DOCK5: variants seen among roughly 807,000 people sequenced by gnomAD.
The protein encoded by DOCK5 is dedicator of cytokinesis 5.
DOCK5 carries 142 observed loss-of-function variants against 251.8 expected under a neutral mutation model. The ratio of observed to expected loss-of-function variants is 0.56; its 90% CI spans 0.49 to 0.65. The LOEUF is 0.65. Among genes scored for constraint, DOCK5 ranks in the 30% least tolerant of loss-of-function variants. DOCK5 has a pLI of 0.00. For synonymous variants in DOCK5, 842 were observed against 835.5 expected, an observed-to-expected ratio of 1.01 and a Z score of -0.13; for missense variants, 2,111 against 2,312.3, an observed-to-expected ratio of 0.91 and a Z score of 1.79.
rs562796927 is a variant in DOCK5, at chr8:25,210,048, G to A, written c.43+25097G>A. On this transcript the variant is annotated intron_variant, in intron 1 of 51. Transcript: ENST00000276440. ...TATATATATATAAATGTGTGTGTGTGTGTGTGTGTGTGTGTGTGTGTATCT... is the reference window on the plus strand; with the variant it reads ...TATATATATATAAATGTGTGTGTGTATGTGTGTGTGTGTGTGTGTGTATCT... Among the ~76,000 whole-genome samples, 50 of 25,432 alleles carry A rather than the reference G, an allele frequency of 2.0e-3. 9 individuals are homozygous for A. The highest frequency in any genetic ancestry group is 5.5e-3 in the African/African-American group (44 of 8,048). The allele number at this position is 25,432 out of a possible 152,430, so 16.7% of individuals were successfully genotyped here.
rs115289076 is a variant in DOCK5, at chr8:25,398,019, A to G, written c.4705-1892A>G. ...ATATTTGATGTAATATGTAATGGTA[A>G]TAGGTAGTAGGTAAACTATTCTAAT... On this transcript the variant is annotated intron_variant, in intron 45 of 51. Coordinates refer to ENST00000276440, the MANE Select transcript of DOCK5 (RefSeq NM_024940.8). Among the ~76,000 whole-genome samples the G allele has an allele frequency of 4.1e-3, 622 of 152,300 alleles. 4 individuals are homozygous for G. The highest frequency in any genetic ancestry group is 0.015 in the African/African-American group (605 of 41,566).
At chr8:25,382,099 G>C (rs1021879442) in intron 39 of DOCK5, among the ~76,000 whole-genome samples, 2 of 152,048 alleles carry the variant, frequency 1.3e-5, no homozygotes, top group African/African-American at 4.8e-5. Flanking sequence ...CTGCAACCTT[G>C]AACTCCTGGG....
At chr8:25,280,977 T>G (rs896476283) in intron 5 of DOCK5, among the ~76,000 whole-genome samples, 11 of 152,074 alleles carry the variant, frequency 7.2e-5, no homozygotes, top group Non-Finnish European at 1.6e-4. Flanking sequence ...AAGGAGTTTT[T>G]TTTTTTTTTT....
At position 25,374,941 on chromosome 8, in the gene DOCK5, A is replaced by T. The variant is rs553167718; in HGVS notation, c.3816+287A>T. 345 of 1,238,322 alleles carry T rather than the reference A, an allele frequency of 2.8e-4. 5 individuals are homozygous for T. In the Middle Eastern group the frequency reaches 8.0e-3, roughly 29 times the overall value. 76.7% of individuals were successfully genotyped at this position (1,238,322 alleles called of 1,614,324 possible). The stretch of plus-strand genomic sequence containing the variant: ...ATAAAACACACATTGATGAATACAT[A>T]AAAAAATTTGTAAAACTGCAGAAAA... On this transcript the variant is annotated intron_variant, in intron 37 of 51. Coordinates refer to ENST00000276440, the MANE Select transcript of DOCK5 (RefSeq NM_024940.8).
At chr8:25,237,248 C>T (rs905340330) in intron 1 of DOCK5, among the ~76,000 whole-genome samples, 12 of 151,846 alleles carry the variant, frequency 7.9e-5, no homozygotes, top group Non-Finnish European at 7.4e-5. Flanking sequence ...ACATGCCTGT[C>T]GTTCTAGGTA....
chr8:25,401,676 T>C (rs778813733), intron 47 of DOCK5, among the ~76,000 whole-genome samples: 14 of 151,046 alleles, frequency 9.3e-5, no homozygotes, highest in Non-Finnish European at 1.2e-4. Context: ...GGAGGTTTCA[T>C]TGAGCCGAGA....
At chr8:25,375,074 G>C in intron 37 of DOCK5, 1 of 825,414 alleles carries the variant, frequency 1.2e-6, no homozygotes, top group Non-Finnish European at 1.5e-6. Flanking sequence ...ACATCTATAT[G>C]TTATGAATCC....
At chr8:25,220,171 G>GTTCCT (rs536689786) in intron 1 of DOCK5, among the ~76,000 whole-genome samples, 17 of 150,834 alleles carry the variant, frequency 1.1e-4, no homozygotes, top group Non-Finnish European at 1.6e-4. Flanking sequence ...GTTTCGTTTC[G>GTTCCT]TTCCTTTCCT....
chr8:25,346,504 T>C (rs1474984278), intron 26 of DOCK5, among the ~76,000 whole-genome samples: 2 of 151,842 alleles, frequency 1.3e-5, no homozygotes, highest in Non-Finnish European at 2.9e-5. Flanking sequence ...GCGTTTTCTC[T>C]GTGACCTGGC....
At chr8:25,378,367 C>T (rs1801000895) in intron 38 of DOCK5, among the ~76,000 whole-genome samples, 1 of 152,200 alleles carries the variant, frequency 6.6e-6, no homozygotes, top group South Asian at 2.1e-4. Flanking sequence ...TAATATACAA[C>T]AATAACTCAC....
At chr8:25,387,908 T>G (rs1039896980) in intron 40 of DOCK5, among the ~76,000 whole-genome samples, 1 of 152,228 alleles carries the variant, frequency 6.6e-6, no homozygotes, top group Non-Finnish European at 1.5e-5. Context: ...CTTTTACAGT[T>G]ATCGTCTGCA....
chr8:25,292,697 G>A (rs1804524948), intron 6 of DOCK5, among the ~76,000 whole-genome samples: 1 of 152,024 alleles, frequency 6.6e-6, no homozygotes, highest in African/African-American at 2.4e-5. Context: ...ATGATTGCAT[G>A]CCTGCACTCC....
chr8:25,317,263 C>G, intron 14 of DOCK5, 132 bp downstream of exon 14: 1 of 1,411,052 alleles, frequency 7.1e-7, no homozygotes, highest in East Asian at 2.3e-5. Flanking sequence ...AAATATAAAG[C>G]CTGTTAAATT....
chr8:25,218,034 G>A (rs74583840), intron 1 of DOCK5, among the ~76,000 whole-genome samples: 1,775 of 152,244 alleles, frequency 0.012, 38 homozygotes, highest in African/African-American at 0.04. Flanking sequence ...CAGTGAATTC[G>A]TTTAAGCAAA....
At chr8:25,391,505 G>A (rs766601059) in intron 42 of DOCK5, among the ~76,000 whole-genome samples, 1 of 152,068 alleles carries the variant, frequency 6.6e-6, no homozygotes, top group Non-Finnish European at 1.5e-5. Flanking sequence ...AGTCGTGATG[G>A]TGCGTGCTTG....
At chr8:25,329,168 A>G (rs190126067) in intron 18 of DOCK5, among the ~76,000 whole-genome samples, 1 of 152,276 alleles carries the variant, frequency 6.6e-6, no homozygotes, top group Non-Finnish European at 1.5e-5. Context: ...TACTACCCTA[A>G]ATGTGGGGAT....
Position 25,310,493 on chromosome 8 carries a change from A to T in DOCK5, c.1279A>T (p.Ile427Leu), listed in dbSNP as rs777435780. The change falls in exon 13 of 52, where the codon ATA becomes TTA. Residue 427 changes from isoleucine to leucine, a missense_variant. This residue lies in a region of DOCK5 where 1,717 missense variants were observed against 1,892.4 expected (regional missense o/e 0.91). Coordinates refer to ENST00000276440, the MANE Select transcript of DOCK5 (RefSeq NM_024940.8). ...ACACTTGGTTGATAGATCAACAGCA[A>T]TAGCCCGGAAGATGGGCTTTCCTGA... is the stretch of plus-strand genomic sequence containing the variant. ...FSHLVDRSTA[I>L]ARKMGFPEII... 1 of 1,613,610 alleles carries T rather than the reference A, an allele frequency of 6.2e-7. No individual in the cohort carries two copies. Among genetic ancestry groups the T allele is most frequent in the Admixed American group, 1.7e-5 (1 of 59,896 alleles).
Position 25,353,660 on chromosome 8 carries a change from A to G in DOCK5, c.2850+1834A>G, listed in dbSNP as rs561243708. 3.3e-5 allele frequency among the ~76,000 whole-genome samples: 5 copies of G among 152,224 alleles called. No individual in the cohort carries two copies. The East Asian group carries it at 7.7e-4, about 24-fold the overall frequency. On this transcript the variant is annotated intron_variant, in intron 27 of 51. Coordinates refer to ENST00000276440, the MANE Select transcript of DOCK5 (RefSeq NM_024940.8). Reference sequence around the variant, plus strand: ...GGCCCTGATAATATTGCTGTTAATCACTTGTGCAAAAATAAAATCTATAGC... The same window carrying G: ...GGCCCTGATAATATTGCTGTTAATCGCTTGTGCAAAAATAAAATCTATAGC...
chr8:25,261,116 C>T (rs192137825), intron 2 of DOCK5, among the ~76,000 whole-genome samples: 8 of 152,282 alleles, frequency 5.3e-5, no homozygotes, highest in African/African-American at 1.7e-4. Context: ...TAGCTCCATC[C>T]TCAGGAGTTG....
Sources: allele counts gnomAD v4.1 joint callset (sites outside exome capture counted in the v4.1 genomes callset), GRCh38; gene constraint gnomAD v4.1.1; regional missense constraint gnomAD v4.1.1; transcripts MANE v1.5; gene names NCBI Gene and HGNC (gene_info 2026-07-23, HGNC 2026-07-21).